The following CDH13 variants were observed in gnomAD, a reference collection of about 807,000 sequenced individuals.
The protein encoded by CDH13 is cadherin 13.
Under a neutral mutation model 63.8 loss-of-function variants are expected in CDH13, and 24 were observed. The ratio of observed to expected loss-of-function variants is 0.38; its 90% CI spans 0.27 to 0.53. CDH13 has a LOEUF of 0.53. Among genes scored for constraint, CDH13 ranks in the 20% least tolerant of loss-of-function variants. CDH13 has a pLI of 0.85. For synonymous variants in CDH13, 503 were observed against 355.3 expected, an observed-to-expected ratio of 1.42 and a Z score of -4.67; for missense variants, 1,049 against 903.1, an observed-to-expected ratio of 1.16 and a Z score of -2.07.
chr16:83,055,190 G>A (rs1270784849), intron 3 of CDH13, among the ~76,000 whole-genome samples: 1 of 151,910 alleles, frequency 6.6e-6, no homozygotes, highest in Admixed American at 6.6e-5. Context: ...TAAAGTAGAG[G>A]AAAGATTTAC....
intron 4 of CDH13, among the ~76,000 whole-genome samples, chr16:83,138,917 G>A (rs1455976812): frequency 6.6e-6 from 1 of 152,104 alleles, no homozygotes; most frequent in African/African-American, 2.4e-5. Context: ...GCAAGCAAGT[G>A]GACAGTGATG....
chr16:82,712,554 C>T (rs957515460), intron 1 of CDH13, among the ~76,000 whole-genome samples: 2 of 152,194 alleles, frequency 1.3e-5, no homozygotes, highest in Non-Finnish European at 2.9e-5. Flanking sequence ...CCCTGTGCCC[C>T]ACCTATCACA....
rs115371059 is a variant in CDH13 at position 82,701,683 on chromosome 16, C to G, written c.45+74546C>G. Among the ~76,000 whole-genome samples, 1,141 of 152,258 alleles carry G rather than the reference C, an allele frequency of 7.5e-3. 12 individuals carry two copies. The highest frequency in any genetic ancestry group is 0.026 in the African/African-American group (1,087 of 41,540). On this transcript the variant is annotated intron_variant, in intron 1 of 13. Coordinates refer to ENST00000567109, the MANE Select transcript of CDH13 (RefSeq NM_001257.5). ...CGTGGCTTCCAGCAGCAATCCCAGA[C>G]TCACAGCCCATCCTCAGCATTTCCA...
chr16:83,127,024 A>G (rs1036676847), intron 4 of CDH13, among the ~76,000 whole-genome samples: 1 of 152,114 alleles, frequency 6.6e-6, no homozygotes, highest in Non-Finnish European at 1.5e-5. Context: ...GGAGGTACTG[A>G]TATTTGAGGG....
intron 5 of CDH13, among the ~76,000 whole-genome samples, chr16:83,296,958 A>T (rs1316878048): frequency 6.6e-6 from 1 of 152,190 alleles, no homozygotes; most frequent in Non-Finnish European, 1.5e-5. Flanking sequence ...GCCATTGGGG[A>T]CTTTCTAAAT....
At chr16:82,729,769 G>A (rs1192875412) in intron 1 of CDH13, among the ~76,000 whole-genome samples, 1 of 152,166 alleles carries the variant, frequency 6.6e-6, no homozygotes, top group Non-Finnish European at 1.5e-5. Context: ...TTCCTAGATG[G>A]CATCTTCTTC....
At chr16:83,500,327 C>T (rs753532733) in intron 7 of CDH13, among the ~76,000 whole-genome samples, 78 of 810 alleles carry the variant, frequency 0.096, 35 homozygotes, top group South Asian at 1. Context: ...TCTCCTCCTC[C>T]TCCTCCTCCT....
At chr16:82,877,744 C>T (rs1365872821) in intron 2 of CDH13, among the ~76,000 whole-genome samples, 2 of 151,916 alleles carry the variant, frequency 1.3e-5, no homozygotes, top group Non-Finnish European at 2.9e-5. Context: ...GTCTGAAGAG[C>T]TCCTCAAATC....
At chr16:82,954,443 G>T (rs183851377) in intron 2 of CDH13, 3 of 152,076 alleles carry the variant, frequency 2.0e-5, no homozygotes, top group Non-Finnish European at 4.4e-5. Flanking sequence ...CTGCACTTCC[G>T]TCCTACAAGA....
chr16:83,561,778 C>A (rs1253977247), intron 7 of CDH13, among the ~76,000 whole-genome samples: 1 of 152,150 alleles, frequency 6.6e-6, no homozygotes, highest in African/African-American at 2.4e-5. Flanking sequence ...CTGCTGATTG[C>A]TGTAGTGGTA....
intron 6 of CDH13, among the ~76,000 whole-genome samples, chr16:83,406,195 C>T (rs564545064): frequency 3.9e-5 from 6 of 152,354 alleles, no homozygotes; most frequent in South Asian, 2.1e-4. Context: ...GTGCTCTCTG[C>T]AGGTCCCCAG....
At chr16:83,285,851 G>C (rs770964687) in intron 5 of CDH13, among the ~76,000 whole-genome samples, 1 of 152,094 alleles carries the variant, frequency 6.6e-6, no homozygotes, top group African/African-American at 2.4e-5. Flanking sequence ...ACGAATTATA[G>C]AGGAAAAAAA....
intron 1 of CDH13, among the ~76,000 whole-genome samples, chr16:82,798,015 A>T (rs927178392): frequency 4.6e-5 from 7 of 152,204 alleles, no homozygotes; most frequent in African/African-American, 1.4e-4. Flanking sequence ...GAGCCATCAC[A>T]AAGTAAAGAG....
chr16:83,283,431 A>T (rs1194505952), intron 5 of CDH13, among the ~76,000 whole-genome samples: 4 of 152,136 alleles, frequency 2.6e-5, no homozygotes, highest in African/African-American at 9.7e-5. Flanking sequence ...TCTCTACTAA[A>T]ATTACAAAAA....
chr16:83,690,913 G>A (rs1904792472), intron 10 of CDH13, among the ~76,000 whole-genome samples: 1 of 151,986 alleles, frequency 6.6e-6, no homozygotes, highest in Admixed American at 6.6e-5. Context: ...ATAAAGATGG[G>A]GCTTCACCAT....
At chr16:83,266,559 T>G (rs1042040140) in intron 5 of CDH13, among the ~76,000 whole-genome samples, 1 of 152,190 alleles carries the variant, frequency 6.6e-6, no homozygotes, top group Admixed American at 6.5e-5. Context: ...CTAACACAGA[T>G]AAAGTCTTCT....
intron 1 of CDH13, among the ~76,000 whole-genome samples, chr16:82,651,798 G>C (rs1250336219): frequency 6.6e-6 from 1 of 152,214 alleles, no homozygotes; most frequent in Non-Finnish European, 1.5e-5. Flanking sequence ...GAGAAACAAT[G>C]ACAAGTGATT....
At chr16:82,781,528 C>T (rs2035753700) in intron 1 of CDH13, among the ~76,000 whole-genome samples, 1 of 152,106 alleles carries the variant, frequency 6.6e-6, no homozygotes, top group Non-Finnish European at 1.5e-5. Flanking sequence ...CATCTATTCA[C>T]CTATCCATCC....
At chr16:83,154,539 C>G (rs2037125939) in intron 4 of CDH13, among the ~76,000 whole-genome samples, 1 of 151,174 alleles carries the variant, frequency 6.6e-6, no homozygotes, top group Admixed American at 6.6e-5. Context: ...TGCACTCCAA[C>G]CTGGCGACAG....
Sources: allele counts gnomAD v4.1 joint callset (sites outside exome capture counted in the v4.1 genomes callset), GRCh38; gene constraint gnomAD v4.1.1; transcripts MANE v1.5; gene names NCBI Gene and HGNC (gene_info 2026-07-23, HGNC 2026-07-21).